The following MAPT variants were observed in gnomAD, a reference collection of about 807,000 sequenced individuals.
The protein encoded by MAPT is microtubule-associated protein tau.
A neutral mutation model predicts 67.9 loss-of-function variants in MAPT; 34 were observed. That is an observed-to-expected ratio of 0.50 (90% confidence interval 0.38 to 0.67). MAPT has a LOEUF of 0.67. MAPT is among the 30% of genes least tolerant of loss of function. The pLI, the probability that MAPT is intolerant of heterozygous loss-of-function variation, is 0.00. For synonymous variants in MAPT, 456 were observed against 464.5 expected, an observed-to-expected ratio of 0.98 and a Z score of 0.23; for missense variants, 881 against 1,115.2, an observed-to-expected ratio of 0.79 and a Z score of 2.99.
intron 1 of MAPT, among the ~76,000 whole-genome samples, chr17:45,958,913 A>C (rs1419582218): frequency 6.6e-6 from 1 of 151,812 alleles, no homozygotes; most frequent in East Asian, 1.9e-4. Context: ...AAATACAAAA[A>C]TTCGCCAAGC....
At chr17:45,966,317 G>T (rs2071075036) in intron 2 of MAPT, among the ~76,000 whole-genome samples, 1 of 152,176 alleles carries the variant, frequency 6.6e-6, no homozygotes, top group Non-Finnish European at 1.5e-5. Flanking sequence ...ACCAGGTACG[G>T]TAGCTAATGC....
At chr17:46,013,360 G>A (rs1231359393) in intron 10 of MAPT, among the ~76,000 whole-genome samples, 3 of 152,232 alleles carry the variant, frequency 2.0e-5, no homozygotes, top group Non-Finnish European at 4.4e-5. Flanking sequence ...GTCTGCCACT[G>A]TGGAGTCCCT....
chr17:46,009,780 C>G (rs2075697432), intron 9 of MAPT, among the ~76,000 whole-genome samples: 1 of 152,224 alleles, frequency 6.6e-6, no homozygotes, highest in Non-Finnish European at 1.5e-5. Context: ...GATTCTAATT[C>G]TAGGTCAGGG....
chr17:45,945,918 T>C (rs1463531997), intron 1 of MAPT, among the ~76,000 whole-genome samples: 2 of 152,180 alleles, frequency 1.3e-5, no homozygotes, highest in Non-Finnish European at 2.9e-5. Flanking sequence ...TAGGGAAAAT[T>C]ACATGTGTGC....
At chr17:46,009,702 A>T (rs2075692950) in intron 9 of MAPT, among the ~76,000 whole-genome samples, 1 of 152,224 alleles carries the variant, frequency 6.6e-6, no homozygotes, top group East Asian at 1.9e-4. Context: ...GGGCTTCTCA[A>T]ACCTGGCTGT....
chr17:45,981,130 C>T (rs755091222), intron 4 of MAPT, among the ~76,000 whole-genome samples: 1 of 152,140 alleles, frequency 6.6e-6, no homozygotes, highest in Admixed American at 6.5e-5. Flanking sequence ...CCGATGGGGT[C>T]GGGCCCACAG....
At chr17:46,014,693 T>G (rs576138578) in intron 11 of MAPT, among the ~76,000 whole-genome samples, 1 of 151,938 alleles carries the variant, frequency 6.6e-6, no homozygotes, top group African/African-American at 2.4e-5. Flanking sequence ...GCTAACACAG[T>G]GAAACCCCGT....
intron 2 of MAPT, chr17:45,969,171 G>A (rs1212468650): frequency 6.6e-6 from 1 of 152,284 alleles, no homozygotes; most frequent in East Asian, 1.9e-4. Context: ...ACAGAGGGGA[G>A]TGAATTCACT....
At chr17:45,991,625 A>G in intron 8 of MAPT, 39 bp downstream of exon 8, 1 of 1,613,924 alleles carries the variant, frequency 6.2e-7, no homozygotes, top group Non-Finnish European at 8.5e-7. Context: ...AGGAAGCTGA[A>G]GCTCTCAGAG....
chr17:45,954,908 CG>C (rs1568227958), intron 1 of MAPT, among the ~76,000 whole-genome samples: 1 of 152,090 alleles, frequency 6.6e-6, no homozygotes, highest in African/African-American at 2.4e-5. Flanking sequence ...GTCTTGAACC[CG>C]GGAGGTGGAG....
chr17:45,975,858 G>A (rs2072276336), intron 3 of MAPT: 1 of 152,160 alleles, frequency 6.6e-6, no homozygotes, highest in Admixed American at 6.5e-5. Context: ...TGGTCCTGGT[G>A]TGAGCTGCGT....
intron 1 of MAPT, among the ~76,000 whole-genome samples, chr17:45,948,689 T>A (rs1197112561): frequency 1.3e-5 from 2 of 152,208 alleles, no homozygotes; most frequent in African/African-American, 4.8e-5. Context: ...ACTCAACCTG[T>A]CTGTTCCTCA....
intron 1 of MAPT, among the ~76,000 whole-genome samples, chr17:45,956,581 TATATATATATATATATATA>T (rs1568230821): frequency 5.3e-3 from 138 of 25,800 alleles, no homozygotes; most frequent in African/African-American, 0.012. Flanking sequence ...TATATATATA[TATATATATATATATATATA>T]TTTTTTATTA....
At chr17:45,933,054 C>T (rs1030512250) in intron 1 of MAPT, among the ~76,000 whole-genome samples, 5 of 151,996 alleles carry the variant, frequency 3.3e-5, no homozygotes. Context: ...TGCACTCTAG[C>T]CCCAGCAACA....
rs560535735 is a variant in MAPT at position 45,954,983 on chromosome 17, T to TCAAAAA, written c.-17-7313_-17-7308dup. On this transcript the variant is annotated intron_variant, in intron 1 of 12. Coordinates refer to ENST00000262410, the MANE Select transcript of MAPT (RefSeq NM_001377265.1). ...CTGGGCGAAAGAGCGAGACTCCGTCTCAAAAACAAAAACAAAAACAAAAAC... is the reference window on the plus strand; with the variant it reads ...CTGGGCGAAAGAGCGAGACTCCGTCTCAAAAACAAAAACAAAAACAAAAACAAAAAC... 4.0e-3 allele frequency among the ~76,000 whole-genome samples: 602 copies of TCAAAAA among 151,996 alleles called. 6 individuals are homozygous for TCAAAAA. Among genetic ancestry groups the TCAAAAA allele is most frequent in the African/African-American group, 0.013 (551 of 41,382 alleles).
chr17:46,016,771 A>AAAAG (rs558185747), intron 11 of MAPT, among the ~76,000 whole-genome samples: 14 of 152,104 alleles, frequency 9.2e-5, no homozygotes, highest in East Asian at 1.9e-4. Flanking sequence ...ACTCAGCAAA[A>AAAAG]AAAGAAAGAA....
At chr17:45,916,528 C>G (rs781768455) in intron 1 of MAPT, among the ~76,000 whole-genome samples, 1 of 152,114 alleles carries the variant, frequency 6.6e-6, no homozygotes, top group Non-Finnish European at 1.5e-5. Context: ...CCCCATCAAC[C>G]ATCTGACAAG....
chr17:45,946,615 A>AAAAAAT, intron 1 of MAPT, among the ~76,000 whole-genome samples: 18 of 100,398 alleles, frequency 1.8e-4, no homozygotes, highest in African/African-American at 7.8e-4. Flanking sequence ...AAAAAAAAAA[A>AAAAAAT]ATATATATAT....
chr17:45,980,523 A>C lies in MAPT; in HGVS notation c.286+2083A>C, dbSNP rs1368897844. On this transcript the variant is annotated intron_variant, in intron 4 of 12. Transcript: ENST00000262410. The stretch of plus-strand genomic sequence containing the variant: ...ACTCTGTTTAAAAAAAAAAAAAAAA[A>C]GAACATTCTCCTAACCTGGCTTCTT... 3 of 151,048 alleles carry C rather than the reference A, an allele frequency of 2.0e-5. No homozygotes were observed. In the East Asian group the frequency reaches 5.8e-4, roughly 29 times the overall value. The allele number at this position is 151,048 out of a possible 1,614,324, so 9.4% of individuals were successfully genotyped here.
Sources: gnomAD v4.1 joint callset for allele counts (sites outside exome capture counted in the v4.1 genomes callset) on GRCh38, gnomAD v4.1.1 for gene constraint, MANE v1.5 for transcripts, NCBI Gene and HGNC (gene_info 2026-07-23, HGNC 2026-07-21) for gene names.